ABCB9: variants seen among roughly 807,000 people sequenced by gnomAD.
The protein encoded by ABCB9 is ATP binding cassette subfamily B member 9, also known as ABC-type oligopeptide transporter ABCB9.
Under a neutral mutation model 62.0 loss-of-function variants are expected in ABCB9, and 36 were observed. The ratio of observed to expected loss-of-function variants is 0.58; its 90% CI spans 0.45 to 0.77. The LOEUF (loss-of-function observed/expected upper bound fraction) is 0.77. Ranked by LOEUF, ABCB9 falls within the 30% of genes least tolerant of loss-of-function variation. ABCB9 has a pLI of 0.00. For synonymous variants in ABCB9, 435 were observed against 461.4 expected (o/e 0.94, Z 0.73); for missense variants, 943 against 1,054.7 (o/e 0.89, Z 1.47).
intron 3 of ABCB9, 93 bp from the exon 4 acceptor site, chr12:122,950,011 C>T (rs1414318185): frequency 2.1e-5 from 32 of 1,541,474 alleles, no homozygotes; most frequent in Non-Finnish European, 2.3e-5. Flanking sequence ...GGCCTGGGAG[C>T]CCCACCGCAG....
At position 122,944,839 on chromosome 12, in the gene ABCB9, T is replaced by G. The variant is rs1258609135; in HGVS notation, c.1252-320A>C. The G allele has an allele frequency of 7.7e-6, 2 of 259,232 alleles. No individual in the cohort carries two copies. Among genetic ancestry groups the G allele is most frequent in the Non-Finnish European group, 1.5e-5 (2 of 129,142 alleles). 16.1% of individuals were successfully genotyped at this position (259,232 alleles called of 1,614,324 possible). A position where few individuals can be genotyped will look rare whatever the true frequency, so the allele number is the denominator to read the frequency against. On this transcript the variant is annotated intron_variant, in intron 6 of 11. Transcript: ENST00000280560. This position sits in a 1 kb window ranked among gnomAD's most constrained non-coding sequence, Gnocchi z 4.9. ...ACCTGGGAACTATTCGTCCTCCTCA[T>G]GGGGAAGAGCATGACTCAGAGAGGG... is the stretch of plus-strand genomic sequence containing the variant.
intron 2 of ABCB9, among the ~76,000 whole-genome samples, chr12:122,956,984 A>G (rs936299814): frequency 4.0e-5 from 6 of 151,738 alleles, no homozygotes; most frequent in Non-Finnish European, 8.8e-5. Context: ...CATAATAGCT[A>G]ACAACCCTGA....
rs753095599 is a variant in ABCB9 at position 122,960,208 on chromosome 12, TCACCAC to T, written c.22_27del (p.Val8_Val9del). On this transcript the variant is annotated inframe_deletion, in exon 2 of 12. Transcript: ENST00000280560. Reference sequence around the variant, plus strand: ...ATGTCCACACTCATGAAGGCCAAAGTCACCACCACCGCCTTCCACAGCCGCATCCTG... The same window carrying T: ...ATGTCCACACTCATGAAGGCCAAAGTCACCGCCTTCCACAGCCGCATCCTG... 16 of 1,612,652 alleles carry T rather than the reference TCACCAC, an allele frequency of 9.9e-6. No individual in the cohort carries two copies. The highest frequency in any genetic ancestry group is 1.4e-5 in the Non-Finnish European group (16 of 1,179,574).
downstream of ABCB9, chr12:122,924,945 C>G: frequency 5.4e-6 from 5 of 921,940 alleles, no homozygotes; most frequent in Non-Finnish European, 8.3e-6. Flanking sequence ...GAGACAGAGT[C>G]TCACTCTGTC....
At position 122,959,117 on chromosome 12, in the gene ABCB9, C is replaced by G. The variant is rs1246443927; in HGVS notation, c.601+518G>C. On this transcript the variant is annotated intron_variant, in intron 2 of 11. Transcript: ENST00000280560. The surrounding 1 kb of genome is among the most constrained non-coding windows in gnomAD (Gnocchi z 5.4). ...CTGTAATCCCAGCACTTTGGGAGGC[C>G]GAGGCCAGTGGATCACCTGAGGTCA... 6.6e-6 allele frequency among the ~76,000 whole-genome samples: 1 copy of G among 150,772 alleles called. No homozygotes were observed. The highest frequency in any genetic ancestry group is 2.0e-4 in the East Asian group (1 of 4,908).
In ABCB9 at chr12:122,929,323, G is replaced by A. The variant is rs928116589; in HGVS notation, c.*588C>T. 4.1e-6 allele frequency: 4 copies of A among 985,860 alleles called. No homozygotes were observed. In the South Asian group the frequency reaches 1.9e-4, roughly 46 times the overall value. The allele number at this position is 985,860 out of a possible 1,614,324, so 61.1% of individuals were successfully genotyped here. On this transcript the variant is annotated 3_prime_UTR_variant, in exon 12 of 12. Transcript: ENST00000280560. This position sits in a 1 kb window ranked among gnomAD's most constrained non-coding sequence, Gnocchi z 6.0. ...TGAGACTGGCTTAGATTGGCAGCGG[G>A]CGATGGCAGACAGATGCCCTCCACG... is the stretch of plus-strand genomic sequence containing the variant.
At chr12:122,969,586 A>G (rs1464282630), upstream of ABCB9, among the ~76,000 whole-genome samples, 2 of 152,144 alleles carry the variant, frequency 1.3e-5, no homozygotes, top group East Asian at 3.9e-4. Context: ...CAATTTAAAA[A>G]ATTAGCTGGG....
At chr12:122,946,493 C>T (rs1472613366) in intron 5 of ABCB9, 1 of 503,220 alleles carries the variant, frequency 2.0e-6, no homozygotes, top group Non-Finnish European at 3.6e-6. Flanking sequence ...TAAGTCATCC[C>T]CAGTATTCAA....
At chr12:122,970,392 C>T (rs527587526), upstream of ABCB9, among the ~76,000 whole-genome samples, 34 of 152,108 alleles carry the variant, frequency 2.2e-4, no homozygotes, top group South Asian at 4.2e-4. Context: ...GGATTACAGG[C>T]GCATGCCACC....
chr12:122,959,605 T>A lies in ABCB9; in HGVS notation c.601+30A>T. Reference sequence around the variant, plus strand: ...ATATCCACCTAATTTGATGTTCTGGTGGCCACATGTCCCCGAGGTCCTTAC... The same window carrying A: ...ATATCCACCTAATTTGATGTTCTGGAGGCCACATGTCCCCGAGGTCCTTAC... On this transcript the variant is annotated intron_variant, in intron 2 of 11. Transcript: ENST00000280560. The surrounding 1 kb of genome is among the most constrained non-coding windows in gnomAD (Gnocchi z 5.4). 1 of 1,516,660 alleles carries A rather than the reference T, an allele frequency of 6.6e-7. No homozygotes were observed. The highest frequency in any genetic ancestry group is 8.8e-7 in the Non-Finnish European group (1 of 1,132,224). The allele number at this position is 1,516,660 out of a possible 1,614,324, so 94.0% of individuals were successfully genotyped here.
chr12:122,938,783 G>A (rs1288041767), intron 9 of ABCB9, among the ~76,000 whole-genome samples: 1 of 151,600 alleles, frequency 6.6e-6, no homozygotes, highest in South Asian at 2.1e-4. Flanking sequence ...AGCCGAGATC[G>A]TGCCACTGCA....
intron 2 of ABCB9, among the ~76,000 whole-genome samples, chr12:122,954,812 A>G (rs1285051725): frequency 6.6e-6 from 1 of 152,164 alleles, no homozygotes; most frequent in East Asian, 1.9e-4. Context: ...CCTTAATTTA[A>G]TAAGAGATAC....
At position 122,960,889 on chromosome 12, in the gene ABCB9, AC is replaced by A. The variant is rs533973353; in HGVS notation, c.-87-568del. Among the ~76,000 whole-genome samples, 26 of 139,228 alleles carry A rather than the reference AC, an allele frequency of 1.9e-4. 1 individual carries two copies. In the South Asian group the frequency reaches 5.1e-3, roughly 27 times the overall value. 91.3% of individuals were successfully genotyped at this position (139,228 alleles called of 152,430 possible). A position where few individuals can be genotyped will look rare whatever the true frequency, so the allele number is the denominator to read the frequency against. On this transcript the variant is annotated intron_variant, in intron 1 of 11. Coordinates refer to ENST00000280560, the MANE Select transcript of ABCB9 (RefSeq NM_019625.4). Reference sequence around the variant, plus strand: ...GTGAGACCCTGTCTTTAAAAAGCAAACAAACAAACAAACAAACAAACATTAA... The same window carrying A: ...GTGAGACCCTGTCTTTAAAAAGCAAAAAACAAACAAACAAACAAACATTAA...
intron 7 of ABCB9, among the ~76,000 whole-genome samples, chr12:122,942,750 G>A (rs1217250897): frequency 6.6e-6 from 1 of 152,098 alleles, no homozygotes; most frequent in East Asian, 1.9e-4. Context: ...GCTGCAGTGA[G>A]TCATGAAAGC....
At position 122,960,274 on chromosome 12, in the gene ABCB9, T is replaced by G. The variant is rs1335268265; in HGVS notation, c.-39A>C. ...GGTGGGCGGGTGCTGAAGGCCAGGT[T>G]GTAGCTCACGGGGGCAAGGCCATCA... On this transcript the variant is annotated 5_prime_UTR_variant, in exon 2 of 12. Coordinates refer to ENST00000280560, the MANE Select transcript of ABCB9 (RefSeq NM_019625.4). The G allele has an allele frequency of 1.3e-6, 2 of 1,589,856 alleles. No homozygotes were observed. The highest frequency in any genetic ancestry group is 2.7e-5 in the African/African-American group (2 of 74,778).
intron 5 of ABCB9, chr12:122,946,463 T>C (rs1436777095): frequency 5.3e-6 from 3 of 564,098 alleles, no homozygotes; most frequent in South Asian, 2.0e-5. Flanking sequence ...TCCTGAAGGA[T>C]AGGGCACGGT....
intron 4 of ABCB9, 56 bp from the exon 5 acceptor site, chr12:122,948,885 G>T: frequency 7.0e-7 from 1 of 1,427,134 alleles, no homozygotes; most frequent in Non-Finnish European, 9.2e-7. Flanking sequence ...GGGGGTGGCG[G>T]TGGGGGATGC....
intron 1 of ABCB9, among the ~76,000 whole-genome samples, chr12:122,965,209 C>T (rs2037108394): frequency 6.6e-6 from 1 of 152,066 alleles, no homozygotes; most frequent in South Asian, 2.1e-4. Context: ...GATGGAGACC[C>T]GCATCCAGGG....
chr12:122,921,402 A>G (rs2034743705), intron 11 of ABCB9, among the ~76,000 whole-genome samples: 1 of 152,150 alleles, frequency 6.6e-6, no homozygotes, highest in Non-Finnish European at 1.5e-5. Flanking sequence ...GCAACAGAGC[A>G]AGACCCTGTC....
Sources: allele counts gnomAD v4.1 joint callset (sites outside exome capture counted in the v4.1 genomes callset), GRCh38; gene constraint gnomAD v4.1.1; non-coding constraint Gnocchi (gnomAD v3.1); transcripts MANE v1.5; gene names NCBI Gene and HGNC (gene_info 2026-07-23, HGNC 2026-07-21).